Variants in FNTB observed in about 807,000 individuals in gnomAD.
FNTB encodes protein farnesyltransferase subunit beta.
Under a neutral mutation model 59.4 loss-of-function variants are expected in FNTB, and 27 were observed. The ratio of observed to expected loss-of-function variants is 0.45; its 90% confidence interval spans 0.34 to 0.63. The LOEUF is 0.63. Ranked by LOEUF, FNTB falls within the 20% of genes least tolerant of loss-of-function variation. FNTB has a pLI of 0.02. For synonymous variants in FNTB, 230 were observed against 220.7 expected (o/e 1.04, Z -0.37); for missense variants, 449 against 559.6 (o/e 0.80, Z 1.99).
intron 2 of FNTB, among the ~76,000 whole-genome samples, chr14:65,005,977 A>T (rs1276618573): frequency 6.6e-6 from 1 of 152,118 alleles, no homozygotes; most frequent in African/African-American, 2.4e-5. Context: ...TGGTTAGGTC[A>T]CTGGCTGATT....
chr14:65,030,052 T>C lies in FNTB; in HGVS notation c.605+2271T>C, dbSNP rs2062049926. ...ATACATGAAAAGGTTGTATTACGTT[T>C]CCTCCCCATCTCAGCGTGAGACCTG... On this transcript the variant is annotated intron_variant, in intron 6 of 11. Transcript: ENST00000246166. The surrounding 1 kb of genome is among the most constrained non-coding windows in gnomAD (Gnocchi z 4.5). 6.6e-6 allele frequency among the ~76,000 whole-genome samples: 1 copy of C among 152,152 alleles called. No individual in the cohort carries two copies. The highest frequency in any genetic ancestry group is 2.4e-5 in the African/African-American group (1 of 41,438).
chr14:65,010,672 A>G (rs113604270), intron 2 of FNTB, among the ~76,000 whole-genome samples: 7,248 of 152,224 alleles, frequency 0.048, 586 homozygotes, highest in African/African-American at 0.16. Context: ...CCTCATCTCA[A>G]AAACCTTCAG....
intron 7 of FNTB, among the ~76,000 whole-genome samples, chr14:65,033,687 C>T (rs1443803190): frequency 1.3e-5 from 2 of 152,156 alleles, no homozygotes; most frequent in African/African-American, 4.8e-5. Context: ...GACACCCCGT[C>T]TCTACTAAAA....
At chr14:65,055,544 T>C (rs1003675138) in intron 11 of FNTB, among the ~76,000 whole-genome samples, 17 of 151,996 alleles carry the variant, frequency 1.1e-4, no homozygotes, top group African/African-American at 3.9e-4. Context: ...TGAGACAAAG[T>C]CTCACTCTGT....
chr14:65,032,782 A>C lies in FNTB; in HGVS notation c.692+86A>C. 6.1e-6 allele frequency: 8 copies of C among 1,319,406 alleles called. No individual in the cohort carries two copies. Among genetic ancestry groups the C allele is most frequent in the Non-Finnish European group, 8.2e-6 (8 of 972,314 alleles). 81.7% of individuals were successfully genotyped at this position (1,319,406 alleles called of 1,614,324 possible). On this transcript the variant is annotated intron_variant, in intron 7 of 11. Coordinates refer to ENST00000246166, the MANE Select transcript of FNTB (RefSeq NM_002028.4). This position sits in a 1 kb window ranked among gnomAD's most constrained non-coding sequence, Gnocchi z 5.0. ...AGAAAAATAAAGAAAATGCAGAGGG[A>C]CTTGGAAGGAAATACAAAAATCACA...
chr14:65,018,438 A>G (rs2061820959), intron 4 of FNTB, among the ~76,000 whole-genome samples: 1 of 152,270 alleles, frequency 6.6e-6, no homozygotes, highest in African/African-American at 2.4e-5. Flanking sequence ...TTAAAAATAT[A>G]GATGATGATA....
At position 65,044,769 on chromosome 14, in the gene FNTB, T is replaced by C. The variant is rs1275718999; in HGVS notation, c.955+326T>C. The C allele has an allele frequency of 3.4e-6, 1 of 297,518 alleles. No individual in the cohort carries two copies. The highest frequency in any genetic ancestry group is 6.2e-6 in the Non-Finnish European group (1 of 160,312). 18.4% of individuals were successfully genotyped at this position (297,518 alleles called of 1,614,324 possible). A position where few individuals can be genotyped will look rare whatever the true frequency, so the allele number is the denominator to read the frequency against. On this transcript the variant is annotated intron_variant, in intron 9 of 11. Transcript: ENST00000246166. This position sits in a 1 kb window ranked among gnomAD's most constrained non-coding sequence, Gnocchi z 5.5. The stretch of plus-strand genomic sequence containing the variant: ...CCCACTCCTGTCCTGGGCTCTGTGG[T>C]GATTGCCACCTCCTCTGGGTGCAGG...
chr14:64,994,383 A>G lies in FNTB; in HGVS notation c.144+7286A>G, dbSNP rs1888317932. On this transcript the variant is annotated intron_variant, in intron 1 of 11. Coordinates refer to ENST00000246166, the MANE Select transcript of FNTB (RefSeq NM_002028.4). This position sits in a 1 kb window ranked among gnomAD's most constrained non-coding sequence, Gnocchi z 4.2. ...TACATATAGTTATGTATCACTTAACAGTAGAAATACATTGTCAGTAGGAAA... is the reference window on the plus strand; with the variant it reads ...TACATATAGTTATGTATCACTTAACGGTAGAAATACATTGTCAGTAGGAAA... 6.6e-6 allele frequency among the ~76,000 whole-genome samples: 1 copy of G among 152,212 alleles called. No homozygotes were observed. Among genetic ancestry groups the G allele is most frequent in the Non-Finnish European group, 1.5e-5 (1 of 68,044 alleles).
intron 8 of FNTB, among the ~76,000 whole-genome samples, chr14:65,042,807 C>T (rs1275185349): frequency 1.3e-5 from 2 of 152,224 alleles, no homozygotes; most frequent in African/African-American, 4.8e-5. Context: ...AACCGACTCC[C>T]ACTGCAGCGC....
rs989399894 is a variant in FNTB, at chr14:65,007,952, A to G, written c.209+3639A>G. On this transcript the variant is annotated intron_variant, in intron 2 of 11. Transcript: ENST00000246166. This position sits in a 1 kb window ranked among gnomAD's most constrained non-coding sequence, Gnocchi z 4.9. ...TGCTGACAATGGCTCTGAAGCCAGAATACTCTGAGTTAAAGTCCTCAAAGC... is the reference window on the plus strand; with the variant it reads ...TGCTGACAATGGCTCTGAAGCCAGAGTACTCTGAGTTAAAGTCCTCAAAGC... Among the ~76,000 whole-genome samples the G allele has an allele frequency of 1.3e-5, 2 of 152,188 alleles. No homozygotes were observed. Among genetic ancestry groups the G allele is most frequent in the African/African-American group, 4.8e-5 (2 of 41,434 alleles).
In FNTB at chr14:65,028,808, A is replaced by G. The variant is rs1482351979; in HGVS notation, c.605+1027A>G. 6.6e-6 allele frequency among the ~76,000 whole-genome samples: 1 copy of G among 152,218 alleles called. No individual in the cohort carries two copies. The highest frequency in any genetic ancestry group is 1.5e-5 in the Non-Finnish European group (1 of 68,046). On this transcript the variant is annotated intron_variant, in intron 6 of 11. Coordinates refer to ENST00000246166, the MANE Select transcript of FNTB (RefSeq NM_002028.4). This position sits in a 1 kb window ranked among gnomAD's most constrained non-coding sequence, Gnocchi z 4.4. ...TTGATTCTTCTTAAGGAAAATGTTA[A>G]AAGAGTTTTTTTCCCTCGTGTTCAC...
chr14:65,045,401 C>A (rs2062453353), intron 9 of FNTB, among the ~76,000 whole-genome samples: 1 of 141,660 alleles, frequency 7.1e-6, no homozygotes, highest in East Asian at 2.1e-4. Context: ...CTGAGCCCCC[C>A]ACCCCCCGTC....
chr14:65,008,110 C>T (rs935260692), intron 2 of FNTB, among the ~76,000 whole-genome samples: 3 of 152,322 alleles, frequency 2.0e-5, no homozygotes, highest in African/African-American at 7.2e-5. Context: ...TCCAAGGTCT[C>T]ACAAATAAGT....
In FNTB at chr14:65,047,466, A is replaced by T. The variant is rs988081843; in HGVS notation, c.955+3023A>T. ...TAGTAAAAGAAATGCTAATCAAAAGAGTGGCACTATTTGTTTTTATTATTG... is the reference window on the plus strand; with the variant it reads ...TAGTAAAAGAAATGCTAATCAAAAGTGTGGCACTATTTGTTTTTATTATTG... On this transcript the variant is annotated intron_variant, in intron 9 of 11. Transcript: ENST00000246166. The surrounding 1 kb of genome is among the most constrained non-coding windows in gnomAD (Gnocchi z 5.2). Among the ~76,000 whole-genome samples, 1 of 152,196 alleles carries T rather than the reference A, an allele frequency of 6.6e-6. No homozygotes were observed. The highest frequency in any genetic ancestry group is 2.4e-5 in the African/African-American group (1 of 41,454).
rs1332121861 is a variant in FNTB at position 64,990,473 on chromosome 14, G to A, written c.144+3376G>A. 2.0e-5 allele frequency among the ~76,000 whole-genome samples: 3 copies of A among 152,070 alleles called. No homozygotes were observed. Among genetic ancestry groups the A allele is most frequent in the Admixed American group, 6.5e-5 (1 of 15,270 alleles). The stretch of plus-strand genomic sequence containing the variant: ...ATTTCCTGTCATGTGCCTTCTCTGC[G>A]GAGCTCTTTGTCTCCCTCCCTCTCC... On this transcript the variant is annotated intron_variant, in intron 1 of 11. Transcript: ENST00000246166. The surrounding 1 kb of genome is among the most constrained non-coding windows in gnomAD (Gnocchi z 5.2).
At chr14:65,052,044 C>T (rs1287655234) in intron 9 of FNTB, among the ~76,000 whole-genome samples, 2 of 152,142 alleles carry the variant, frequency 1.3e-5, no homozygotes, top group Non-Finnish European at 2.9e-5. Context: ...ATCAACCCCC[C>T]TCAGCCTCCC....
At chr14:64,995,698 T>C (rs558013539) in intron 1 of FNTB, among the ~76,000 whole-genome samples, 64 of 150,248 alleles carry the variant, frequency 4.3e-4, no homozygotes, top group Admixed American at 6.7e-4. Flanking sequence ...TTTAAAGATA[T>C]ATGTGTATAT....
At chr14:65,059,786 T>G (rs556457368) in intron 11 of FNTB, among the ~76,000 whole-genome samples, 1 of 151,978 alleles carries the variant, frequency 6.6e-6, no homozygotes, top group East Asian at 1.9e-4. Context: ...GTTTATATAT[T>G]TAAATATGAT....
intron 11 of FNTB, among the ~76,000 whole-genome samples, chr14:65,060,719 A>G (rs1226032176): frequency 6.9e-6 from 1 of 144,554 alleles, no homozygotes; most frequent in Admixed American, 6.8e-5. Flanking sequence ...AAAAAAATAC[A>G]AAAATTACCC....
Sources: allele counts gnomAD v4.1 joint callset (sites outside exome capture counted in the v4.1 genomes callset), GRCh38; gene constraint gnomAD v4.1.1; non-coding constraint Gnocchi (gnomAD v3.1); transcripts MANE v1.5; gene names NCBI Gene and HGNC (gene_info 2026-07-23, HGNC 2026-07-21).